Variants in TTC13 observed in about 807,000 individuals in gnomAD.
The protein encoded by TTC13 is tetratricopeptide repeat domain 13.
Under a neutral mutation model 120.0 loss-of-function variants are expected in TTC13, and 62 were observed. The ratio of observed to expected loss-of-function variants is 0.52; its 90% CI spans 0.42 to 0.64. The LOEUF (loss-of-function observed/expected upper bound fraction) is 0.64, where lower values mean the gene tolerates loss of function less well. Ranked by LOEUF, TTC13 falls within the 30% of genes least tolerant of loss-of-function variation. The pLI, the probability that TTC13 is intolerant of heterozygous loss-of-function variation, is 0.00. For missense variants in TTC13, 824 were observed against 1,050.2 expected (o/e 0.78, Z 2.98); for synonymous variants, 384 against 393.5 (o/e 0.98, Z 0.28).
intron 8 of TTC13, among the ~76,000 whole-genome samples, chr1:230,936,869 C>T (rs1373627699): frequency 2.0e-5 from 3 of 152,222 alleles, no homozygotes; most frequent in African/African-American, 7.2e-5. Context: ...TCACTACCGA[C>T]TCAGTTTTCC....
chr1:230,923,690 A>G, intron 15 of TTC13, 151 bp downstream of exon 15: 1 of 601,586 alleles, frequency 1.7e-6, no homozygotes, highest in Non-Finnish European at 3.0e-6. Context: ...AAAGGAATGC[A>G]GGCAGGACTC....
Position 230,958,091 on chromosome 1 carries a change from C to T in TTC13, c.442+133G>A, listed in dbSNP as rs561696929. Reference sequence around the variant, plus strand: ...AATGGAATGTCACAAGGGCTGAATGCTCCATGCAAGATCAAACAGCTCAAA... The same window carrying T: ...AATGGAATGTCACAAGGGCTGAATGTTCCATGCAAGATCAAACAGCTCAAA... On this transcript the variant is annotated intron_variant, in intron 3 of 22. Transcript: ENST00000366661. The T allele has an allele frequency of 2.0e-5, 15 of 733,646 alleles. 1 individual carries two copies. The Admixed American group carries it at 2.9e-4, about 14-fold the overall frequency. 45.4% of individuals were successfully genotyped at this position (733,646 alleles called of 1,614,324 possible).
At chr1:230,920,481 A>G in intron 17 of TTC13, 29 bp downstream of exon 17, 1 of 1,517,306 alleles carries the variant, frequency 6.6e-7, no homozygotes, top group Non-Finnish European at 9.1e-7. Context: ...CTCTAAAAAC[A>G]TGGACTGCCA....
At chr1:230,923,708 G>A (rs1387285269) in intron 15 of TTC13, 133 bp downstream of exon 15, 2 of 682,056 alleles carry the variant, frequency 2.9e-6, no homozygotes, top group Admixed American at 2.6e-5. Flanking sequence ...CTCCACAGGT[G>A]CAGAGTCAAT....
At chr1:230,931,629 GAGTAGAAACACTATTCTC>G in intron 10 of TTC13, 89 bp downstream of exon 10, 1 of 1,477,238 alleles carries the variant, frequency 6.8e-7, no homozygotes, top group Non-Finnish European at 9.2e-7. Context: ...CTTTTTGTTG[GAGTAGAAACACTATTCTC>G]AGTCCCCCTT....
intron 1 of TTC13, among the ~76,000 whole-genome samples, chr1:230,966,841 C>T (rs780546503): frequency 5.9e-5 from 9 of 152,126 alleles, no homozygotes; most frequent in Non-Finnish European, 8.8e-5. Context: ...ATCATCCTGA[C>T]GCTACCCTCT....
At position 230,924,855 on chromosome 1, in the gene TTC13, T is replaced by G. The variant is rs773089980; in HGVS notation, c.1707A>C (p.Ala569=). The G allele has an allele frequency of 5.6e-6, 9 of 1,614,200 alleles. No individual in the cohort carries two copies. Among genetic ancestry groups the G allele is most frequent in the Non-Finnish European group, 6.8e-6 (8 of 1,180,034 alleles). The part of the protein sequence containing the change: ...LMQWRDMFDI[A]VKWRRIADPD... ...ATGTTAGTTACCTTCTCCATTTAAC[T>G]GCAATGTCAAACATGTCTCTCCACT... Residue 569 remains alanine, a synonymous_variant, in exon 14 of 23, where the codon GCA becomes GCC. Coordinates refer to ENST00000366661, the MANE Select transcript of TTC13 (RefSeq NM_024525.5).
chr1:230,972,921 T>A (rs1211744234), intron 1 of TTC13, among the ~76,000 whole-genome samples: 3 of 152,184 alleles, frequency 2.0e-5, no homozygotes, highest in African/African-American at 7.2e-5. Flanking sequence ...CCTCTGGCAA[T>A]GCCACAGGGG....
At chr1:230,936,176 A>T in intron 8 of TTC13, 1 of 456,190 alleles carries the variant, frequency 2.2e-6, no homozygotes. Context: ...TGGACGCCAC[A>T]GTTCTTCAAA....
intron 1 of TTC13, among the ~76,000 whole-genome samples, chr1:230,968,895 G>A (rs2102994405): frequency 6.6e-6 from 1 of 152,326 alleles, no homozygotes; most frequent in South Asian, 2.1e-4. Flanking sequence ...CCAGAGAAAG[G>A]TAAATACTAC....
At chr1:230,969,784 C>G (rs1677536205) in intron 1 of TTC13, among the ~76,000 whole-genome samples, 1 of 152,190 alleles carries the variant, frequency 6.6e-6, no homozygotes, top group South Asian at 2.1e-4. Flanking sequence ...CCCCCAGATA[C>G]CTTCACAGGG....
intron 1 of TTC13, among the ~76,000 whole-genome samples, chr1:230,964,206 A>G (rs1676914191): frequency 6.6e-6 from 1 of 152,190 alleles, no homozygotes; most frequent in Non-Finnish European, 1.5e-5. Context: ...GGATGTCCCT[A>G]CTTTTTTCTT....
intron 4 of TTC13, among the ~76,000 whole-genome samples, chr1:230,946,972 T>C (rs6677098): frequency 6.6e-6 from 1 of 151,816 alleles, no homozygotes; most frequent in African/African-American, 2.4e-5. Flanking sequence ...TGCACAGAAA[T>C]AAACTCCAAA....
chr1:230,966,405 C>T (rs1034970168), intron 1 of TTC13, among the ~76,000 whole-genome samples: 3 of 151,814 alleles, frequency 2.0e-5, no homozygotes, highest in African/African-American at 7.3e-5. Flanking sequence ...AGAAATACTT[C>T]TTTATAAAAT....
rs190135197 is a variant in TTC13, at chr1:230,924,812, T to C, written c.1721+29A>G. 123 of 1,613,526 alleles carry C rather than the reference T, an allele frequency of 7.6e-5. 1 individual carries two copies. The East Asian group carries it at 2.4e-3, about 31-fold the overall frequency. ...CGTTATTTGACAATGATAAGACTTA[T>C]AGTTTATTTTCACTGAGATGTTAGT... On this transcript the variant is annotated intron_variant, in intron 14 of 22. Transcript: ENST00000366661.
At chr1:230,946,611 C>T (rs1224010564) in intron 4 of TTC13, among the ~76,000 whole-genome samples, 1 of 152,148 alleles carries the variant, frequency 6.6e-6, no homozygotes, top group African/African-American at 2.4e-5. Flanking sequence ...TCTAGCTTCT[C>T]TTAGAACATC....
chr1:230,948,665 T>C (rs1675244783), intron 4 of TTC13, among the ~76,000 whole-genome samples: 1 of 151,948 alleles, frequency 6.6e-6, no homozygotes, highest in Non-Finnish European at 1.5e-5. Flanking sequence ...TTTTAAAATT[T>C]TTTTGTTGAG....
At chr1:230,912,058 C>T (rs544655091) in intron 19 of TTC13, among the ~76,000 whole-genome samples, 5 of 152,078 alleles carry the variant, frequency 3.3e-5, no homozygotes, top group African/African-American at 9.7e-5. Flanking sequence ...AAGGGGCACC[C>T]GTCCACTGCA....
At chr1:230,955,777 C>T (rs1369613276) in intron 3 of TTC13, among the ~76,000 whole-genome samples, 3 of 151,802 alleles carry the variant, frequency 2.0e-5, no homozygotes, top group Non-Finnish European at 2.9e-5. Flanking sequence ...AAATTGAACA[C>T]CATAATAATA....
Sources: gnomAD v4.1 joint callset for allele counts (sites outside exome capture counted in the v4.1 genomes callset) on GRCh38, gnomAD v4.1.1 for gene constraint, MANE v1.5 for transcripts, NCBI Gene and HGNC (gene_info 2026-07-23, HGNC 2026-07-21) for gene names.